ERVK3-1: variants seen among roughly 807,000 people sequenced by gnomAD.
ERVK3-1 encodes HERV-K(HML6-1).
chr19:58,310,828 C>T lies in ERVK3-1; in HGVS notation c.-3-1338C>T. 2 of 374,256 alleles carry T rather than the reference C, an allele frequency of 5.3e-6. No individual in the cohort carries two copies. Among genetic ancestry groups the T allele is most frequent in the Non-Finnish European group, 1.1e-5 (2 of 181,422 alleles). 23.2% of individuals were successfully genotyped at this position (374,256 alleles called of 1,614,324 possible). A position where few individuals can be genotyped will look rare whatever the true frequency, so the allele number is the denominator to read the frequency against. ...CTAACCTCCCCCAGGGAAAGGGAGA[C>T]CGCCCCCCACCCTTTCCCGGTCTGC... On this transcript the variant is annotated intron_variant, in intron 2 of 3. Coordinates refer to ENST00000413518, the Ensembl canonical transcript of ERVK3-1. This position sits in a 1 kb window ranked among gnomAD's most constrained non-coding sequence, Gnocchi z 4.7.
chr19:58,305,641 C>G (rs1047249748), intron 1 of ERVK3-1, among the ~76,000 whole-genome samples, 196 bp downstream of exon 1: 11 of 152,152 alleles, frequency 7.2e-5, no homozygotes, highest in African/African-American at 2.6e-4. Flanking sequence ...GGTGTCACCG[C>G]TTATGCGCCC....
rs1026720174 is a variant in ERVK3-1 at position 58,313,639 on chromosome 19, A to C, written c.295-1109A>C. 6.6e-6 allele frequency among the ~76,000 whole-genome samples: 1 copy of C among 152,092 alleles called. No homozygotes were observed. The highest frequency in any genetic ancestry group is 1.5e-5 in the Non-Finnish European group (1 of 68,024). ...TTTTTCTAGCATCTAAGAAGGACCA[A>C]CTCCACGTAAACATCACCCAGTTGA... On this transcript the variant is annotated intron_variant, in intron 3 of 3. Coordinates refer to ENST00000413518, the Ensembl canonical transcript of ERVK3-1. This position sits in a 1 kb window ranked among gnomAD's most constrained non-coding sequence, Gnocchi z 4.5.
At chr19:58,314,599 C>G (rs2051578185) in intron 3 of ERVK3-1, 149 bp from the exon 4 acceptor site, 2 of 344,904 alleles carry the variant, frequency 5.8e-6, no homozygotes, top group East Asian at 8.1e-5. Flanking sequence ...TGCACTCCAG[C>G]CTGGGTGACA....
At chr19:58,311,589 A>G (rs917363682) in intron 2 of ERVK3-1, 1 of 152,202 alleles carries the variant, frequency 6.6e-6, no homozygotes, top group Non-Finnish European at 1.5e-5. Flanking sequence ...CTTGGCTCCA[A>G]ATGAAATCTG....
At chr19:58,306,682 G>A (rs534595612) in intron 2 of ERVK3-1, 18 of 152,296 alleles carry the variant, frequency 1.2e-4, no homozygotes, top group African/African-American at 4.3e-4. Context: ...GTCCCCTCCA[G>A]TAGCAGAAAT....
intron 2 of ERVK3-1, among the ~76,000 whole-genome samples, chr19:58,307,714 C>T (rs770708220): frequency 3.4e-5 from 5 of 148,112 alleles, no homozygotes; most frequent in Non-Finnish European, 7.4e-5. Context: ...ATCAGTGTTG[C>T]TCAAAATTTC....
In ERVK3-1 at chr19:58,313,408, C is replaced by T. The variant is rs2051569683; in HGVS notation, c.294+946C>T. ...TTCAAGCAATTGTCTGCCTCAGCCTCCCGAGTAGCTGGGATTACAGGCACC... is the reference window on the plus strand; with the variant it reads ...TTCAAGCAATTGTCTGCCTCAGCCTTCCGAGTAGCTGGGATTACAGGCACC... On this transcript the variant is annotated intron_variant, in intron 3 of 3. Transcript: ENST00000413518. This position sits in a 1 kb window ranked among gnomAD's most constrained non-coding sequence, Gnocchi z 4.5. Among the ~76,000 whole-genome samples, 1 of 152,150 alleles carries T rather than the reference C, an allele frequency of 6.6e-6. No homozygotes were observed. Among genetic ancestry groups the T allele is most frequent in the South Asian group, 2.1e-4 (1 of 4,824 alleles).
intron 3 of ERVK3-1, among the ~76,000 whole-genome samples, chr19:58,314,093 C>T (rs1163765349): frequency 6.6e-6 from 1 of 152,164 alleles, no homozygotes; most frequent in Non-Finnish European, 1.5e-5. Flanking sequence ...ACAAAGTTTG[C>T]AATTGTAGCA....
intron 2 of ERVK3-1, chr19:58,311,311 C>G (rs1047694915): frequency 1.3e-5 from 2 of 152,220 alleles, no homozygotes; most frequent in Admixed American, 6.5e-5. Flanking sequence ...GCTGTTCGCT[C>G]TCATGCTGCC....
At position 58,313,591 on chromosome 19, in the gene ERVK3-1, A is replaced by G. The variant is rs763780644; in HGVS notation, c.294+1129A>G. ...CAGGCGTGAGCCACCATGCCCGGCC[A>G]GTTTGTGTTTTTAATCCCTATGTTT... On this transcript the variant is annotated intron_variant, in intron 3 of 3. Coordinates refer to ENST00000413518, the Ensembl canonical transcript of ERVK3-1. This position sits in a 1 kb window ranked among gnomAD's most constrained non-coding sequence, Gnocchi z 4.5. 2.0e-5 allele frequency among the ~76,000 whole-genome samples: 3 copies of G among 152,164 alleles called. No individual in the cohort carries two copies. The highest frequency in any genetic ancestry group is 7.2e-5 in the African/African-American group (3 of 41,440).
downstream of ERVK3-1, among the ~76,000 whole-genome samples, chr19:58,316,424 C>T (rs574415359): frequency 1.3e-4 from 20 of 152,284 alleles, no homozygotes; most frequent in East Asian, 3.1e-3. Context: ...TGCCTGTAAT[C>T]CCAGCATTTT....
chr19:58,312,944 T>C lies in ERVK3-1; in HGVS notation c.294+482T>C, dbSNP rs1375269755. 1 of 152,366 alleles carries C rather than the reference T, an allele frequency of 6.6e-6. No individual in the cohort carries two copies. The highest frequency in any genetic ancestry group is 1.5e-5 in the Non-Finnish European group (1 of 68,152). 9.4% of individuals were successfully genotyped at this position (152,366 alleles called of 1,614,324 possible). ...CATTGACTGGGGTCCCCGTGGCCAT[T>C]TAGAGGGGAGAGATGAAAATCAGAC... is the stretch of plus-strand genomic sequence containing the variant. On this transcript the variant is annotated intron_variant, in intron 3 of 3. Transcript: ENST00000413518. This position sits in a 1 kb window ranked among gnomAD's most constrained non-coding sequence, Gnocchi z 4.7.
downstream of ERVK3-1, chr19:58,315,768 G>C (rs990975145): frequency 6.6e-6 from 1 of 152,186 alleles, no homozygotes; most frequent in African/African-American, 2.4e-5. Flanking sequence ...AGGAGTGCCT[G>C]TATGCATGGC....
At chr19:58,305,557 G>A (rs2051516357) in intron 1 of ERVK3-1, 112 bp downstream of exon 1, 1 of 151,922 alleles carries the variant, frequency 6.6e-6, no homozygotes. Context: ...GACCTGTGAG[G>A]GGAACGCGAC....
exon 4 of ERVK3-1, chr19:58,315,229 A>C (rs2051584347): frequency 6.5e-6 from 1 of 154,568 alleles, no homozygotes; most frequent in South Asian, 2.1e-4. Flanking sequence ...TCATTTCTGC[A>C]TTCGTCGTCC....
At position 58,312,210 on chromosome 19, in the gene ERVK3-1, T is replaced by C. The variant is rs894248484; in HGVS notation, c.42T>C (p.His14=). The C allele has an allele frequency of 1.0e-5, 4 of 399,958 alleles. No homozygotes were observed. Among genetic ancestry groups the C allele is most frequent in the Non-Finnish European group, 1.8e-5 (4 of 226,070 alleles). The allele number at this position is 399,958 out of a possible 1,614,324, so 24.8% of individuals were successfully genotyped here. A position where few individuals can be genotyped will look rare whatever the true frequency, so the allele number is the denominator to read the frequency against. The change falls in exon 3 of 4, where the codon CAT becomes CAC. Residue 14 remains histidine (H), a synonymous_variant. Coordinates refer to ENST00000413518, the Ensembl canonical transcript of ERVK3-1. This position sits in a 1 kb window ranked among gnomAD's most constrained non-coding sequence, Gnocchi z 4.7. ...GGTGCCCTCCAGGTGTGTGTGACCATGGAACGGGAGACCGGAGGGATCCAT... is the reference window on the plus strand; with the variant it reads ...GGTGCCCTCCAGGTGTGTGTGACCACGGAACGGGAGACCGGAGGGATCCAT...
intron 2 of ERVK3-1, among the ~76,000 whole-genome samples, chr19:58,308,372 A>G (rs2051537595): frequency 6.6e-6 from 1 of 152,254 alleles, no homozygotes. Flanking sequence ...CCTTAGTGGG[A>G]GTAGGAACAG....
downstream of ERVK3-1, among the ~76,000 whole-genome samples, chr19:58,316,622 G>A (rs969277785): frequency 6.6e-6 from 1 of 152,228 alleles, no homozygotes; most frequent in African/African-American, 2.4e-5. Context: ...GGTGAGCCAA[G>A]ATCGTGCCTT....
rs967873376 is a variant in ERVK3-1, at chr19:58,312,678, C to A, written c.294+216C>A. On this transcript the variant is annotated intron_variant, in intron 3 of 3. Coordinates refer to ENST00000413518, the Ensembl canonical transcript of ERVK3-1. This position sits in a 1 kb window ranked among gnomAD's most constrained non-coding sequence, Gnocchi z 4.7. ...CCTTTATGTATCACCATGGATACGT[C>A]ACTCAACTGCAGCTGTCTTGCAGTC... Among the ~76,000 whole-genome samples the A allele has an allele frequency of 1.3e-5, 2 of 152,182 alleles. No individual in the cohort carries two copies. The highest frequency in any genetic ancestry group is 2.9e-5 in the Non-Finnish European group (2 of 68,042).
Sources: gnomAD v4.1 joint callset for allele counts (sites outside exome capture counted in the v4.1 genomes callset) on GRCh38, gnomAD v4.1.1 for gene constraint, Gnocchi (gnomAD v3.1) non-coding constraint, MANE v1.5 for transcripts, NCBI Gene and HGNC (gene_info 2026-07-23, HGNC 2026-07-21) for gene names.